BICD1: variants seen among roughly 807,000 people sequenced by gnomAD.
BICD1 encodes BICD cargo adaptor 1.
In BICD1, 35 loss-of-function variants were observed where a neutral mutation model predicts 92.5. The observed-to-expected ratio is 0.38, with a 90% CI of 0.29 to 0.50. The LOEUF is 0.50. Among genes scored for constraint, BICD1 ranks in the 20% least tolerant of loss-of-function variants. The pLI is 0.93. For missense variants in BICD1, 950 were observed against 1,189.8 expected (o/e 0.80, Z 2.97); for synonymous variants, 429 against 465.1 (o/e 0.92, Z 1.00).
rs138071960 is a variant in BICD1 at position 32,282,560 on chromosome 12, C to A, written c.427-11434C>A. 4.7e-3 allele frequency among the ~76,000 whole-genome samples: 716 copies of A among 152,098 alleles called. 5 individuals carry two copies. The highest frequency in any genetic ancestry group is 0.017 in the African/African-American group (686 of 41,484). ...GCAAGTCGCATAGGGTTTTGTTAAC[C>A]CTGACGTGGATTTGAGAATCATCAG... On this transcript the variant is annotated intron_variant, in intron 2 of 9. Coordinates refer to ENST00000652176, the MANE Select transcript of BICD1 (RefSeq NM_001714.4).
At chr12:32,307,239 C>G (rs1384113028) in intron 4 of BICD1, among the ~76,000 whole-genome samples, 1 of 152,002 alleles carries the variant, frequency 6.6e-6, no homozygotes, top group African/African-American at 2.4e-5. Context: ...TCCAGGATAC[C>G]GTATGATTAA....
At chr12:32,184,767 C>T (rs1185112664) in intron 1 of BICD1, among the ~76,000 whole-genome samples, 3 of 152,106 alleles carry the variant, frequency 2.0e-5, no homozygotes, top group Non-Finnish European at 4.4e-5. Context: ...CTTGATCTTC[C>T]TTCAAAGTTT....
chr12:32,120,514 A>G (rs550752882), intron 1 of BICD1, among the ~76,000 whole-genome samples: 15 of 152,312 alleles, frequency 9.8e-5, no homozygotes, highest in Admixed American at 2.6e-4. Context: ...AAATACCACT[A>G]TTGAAGAGCT....
At chr12:32,193,580 T>C (rs1028666291) in intron 1 of BICD1, among the ~76,000 whole-genome samples, 2 of 152,160 alleles carry the variant, frequency 1.3e-5, no homozygotes, top group East Asian at 1.9e-4. Flanking sequence ...CTGTGAATAA[T>C]TGTATGCCTA....
At chr12:32,254,680 G>T (rs2136113349) in intron 2 of BICD1, among the ~76,000 whole-genome samples, 1 of 152,280 alleles carries the variant, frequency 6.6e-6, no homozygotes. Flanking sequence ...GCCCCTTGCT[G>T]AATCGAGCCT....
At chr12:32,234,552 C>T (rs1206274202) in intron 2 of BICD1, among the ~76,000 whole-genome samples, 1 of 147,692 alleles carries the variant, frequency 6.8e-6, no homozygotes, top group Non-Finnish European at 1.5e-5. Context: ...GCCAAGATCG[C>T]ACCACTGCGC....
intron 8 of BICD1, chr12:32,354,214 G>C (rs1203141526): frequency 6.6e-6 from 1 of 152,166 alleles, no homozygotes; most frequent in Admixed American, 6.6e-5. Flanking sequence ...TGGGTGAAAG[G>C]TTTTGTCAAA....
intron 1 of BICD1, among the ~76,000 whole-genome samples, chr12:32,139,878 A>G (rs559740558): frequency 6.6e-6 from 1 of 152,330 alleles, no homozygotes; most frequent in Non-Finnish European, 1.5e-5. Flanking sequence ...GAGTTAAAAA[A>G]AAAATACTGG....
At chr12:32,118,912 G>A (rs1176504377) in intron 1 of BICD1, among the ~76,000 whole-genome samples, 2 of 152,230 alleles carry the variant, frequency 1.3e-5, no homozygotes, top group Non-Finnish European at 2.9e-5. Flanking sequence ...CAGACCCAAT[G>A]GGGCTGCCTG....
At chr12:32,201,080 T>C (rs945799303) in intron 1 of BICD1, among the ~76,000 whole-genome samples, 2 of 152,226 alleles carry the variant, frequency 1.3e-5, no homozygotes, top group Non-Finnish European at 2.9e-5. Flanking sequence ...ATTACTTCCA[T>C]CTTGGCTTTC....
At chr12:32,184,443 C>T (rs764515522) in intron 1 of BICD1, among the ~76,000 whole-genome samples, 51 of 152,130 alleles carry the variant, frequency 3.4e-4, no homozygotes, top group African/African-American at 9.2e-4. Context: ...CATGCCACCA[C>T]GCCCAGCTAA....
At chr12:32,175,542 G>T (rs370828283) in intron 1 of BICD1, among the ~76,000 whole-genome samples, 67 of 152,168 alleles carry the variant, frequency 4.4e-4, no homozygotes, top group Non-Finnish European at 7.2e-4. Flanking sequence ...CTGTCCAACT[G>T]CTGACCTCGG....
chr12:32,274,783 G>C (rs1174674341), intron 2 of BICD1, among the ~76,000 whole-genome samples: 1 of 152,106 alleles, frequency 6.6e-6, no homozygotes, highest in East Asian at 1.9e-4. Context: ...ATATGTTCTA[G>C]AACTAGACAG....
intron 2 of BICD1, among the ~76,000 whole-genome samples, chr12:32,253,913 T>A (rs1032995265): frequency 1.3e-5 from 2 of 148,866 alleles, no homozygotes; most frequent in African/African-American, 5.0e-5. Flanking sequence ...ATATCCCACC[T>A]GCCATAATCA....
chr12:32,233,948 G>A (rs2136064656), intron 2 of BICD1, among the ~76,000 whole-genome samples: 1 of 152,284 alleles, frequency 6.6e-6, no homozygotes, highest in Non-Finnish European at 1.5e-5. Flanking sequence ...AATCTACTCA[G>A]GACTTAACTT....
Position 32,202,149 on chromosome 12 carries a change from G to A in BICD1, c.214-14098G>A, listed in dbSNP as rs182782994. 2.6e-5 allele frequency among the ~76,000 whole-genome samples: 4 copies of A among 152,336 alleles called. No homozygotes were observed. The East Asian group carries it at 7.7e-4, about 29-fold the overall frequency. ...AACAAAAAGAAAAACTAGGAACCTGGGGAGGACTTAGAGAGAGGAAGCATG... is the reference window on the plus strand; with the variant it reads ...AACAAAAAGAAAAACTAGGAACCTGAGGAGGACTTAGAGAGAGGAAGCATG... On this transcript the variant is annotated intron_variant, in intron 1 of 9. Transcript: ENST00000652176.
At chr12:32,302,093 A>G (rs756729719) in intron 3 of BICD1, among the ~76,000 whole-genome samples, 5 of 152,024 alleles carry the variant, frequency 3.3e-5, no homozygotes, top group Non-Finnish European at 7.4e-5. Flanking sequence ...TCACTGTGTT[A>G]GCTAGGATGG....
intron 8 of BICD1, among the ~76,000 whole-genome samples, chr12:32,357,286 T>TA (rs1939154355): frequency 1.3e-5 from 2 of 152,186 alleles, no homozygotes; most frequent in African/African-American, 4.8e-5. Context: ...GTGCTGGGAT[T>TA]ACAGGCATGA....
chr12:32,191,503 C>T (rs1944564723), intron 1 of BICD1, among the ~76,000 whole-genome samples: 1 of 150,482 alleles, frequency 6.6e-6, no homozygotes, highest in East Asian at 1.9e-4. Flanking sequence ...CATGTGCTCA[C>T]TCTGTGTCTC....
Sources: gnomAD v4.1 joint callset for allele counts (sites outside exome capture counted in the v4.1 genomes callset) on GRCh38, gnomAD v4.1.1 for gene constraint, MANE v1.5 for transcripts, NCBI Gene and HGNC (gene_info 2026-07-23, HGNC 2026-07-21) for gene names.